MTMR3: variants seen among roughly 807,000 people sequenced by gnomAD.
MTMR3 encodes myotubularin related protein 3.
MTMR3 carries 32 observed loss-of-function variants against 132.4 expected under a neutral mutation model. That is an observed-to-expected ratio of 0.24 (90% CI 0.18 to 0.32). MTMR3 has a LOEUF of 0.32. Among genes scored for constraint, MTMR3 ranks in the 10% least tolerant of loss-of-function variants. MTMR3 has a pLI of 1.00. For missense variants in MTMR3, 1,216 were observed against 1,489.6 expected (o/e 0.82, Z 3.02); for synonymous variants, 556 against 550.3 (o/e 1.01, Z -0.14).
chr22:29,970,864 GTATA>G (rs2066519298), intron 2 of MTMR3, 108 bp from the exon 3 acceptor site: 2 of 532,034 alleles, frequency 3.8e-6, no homozygotes, highest in African/African-American at 3.9e-5. Flanking sequence ...TTAGGCCTGT[GTATA>G]TACAATACCT....
intron 19 of MTMR3, chr22:30,024,460 C>G (rs1181208737): frequency 6.6e-6 from 1 of 152,210 alleles, no homozygotes; most frequent in Non-Finnish European, 1.5e-5. Flanking sequence ...CGAAGTACAG[C>G]ATTCTAGAAG....
intron 1 of MTMR3, among the ~76,000 whole-genome samples, chr22:29,931,750 C>T (rs936428919): frequency 6.7e-6 from 1 of 150,066 alleles, no homozygotes; most frequent in Non-Finnish European, 1.5e-5. Flanking sequence ...TTTCTATTTC[C>T]GTAGTCCTCC....
At chr22:29,977,678 A>G (rs2066656370) in intron 3 of MTMR3, among the ~76,000 whole-genome samples, 1 of 152,216 alleles carries the variant, frequency 6.6e-6, no homozygotes, top group Non-Finnish European at 1.5e-5. Context: ...TGAATTACTA[A>G]TTCATAGATA....
chr22:30,007,769 C>A, intron 10 of MTMR3, 132 bp from the exon 11 acceptor site: 2 of 1,058,078 alleles, frequency 1.9e-6, no homozygotes, highest in Non-Finnish European at 2.7e-6. Context: ...TCCTATGTAT[C>A]AAGGGTTTTG....
At chr22:29,906,982 G>A (rs1174418759) in intron 1 of MTMR3, among the ~76,000 whole-genome samples, 2 of 152,088 alleles carry the variant, frequency 1.3e-5, no homozygotes, top group African/African-American at 4.8e-5. Flanking sequence ...GGAGGCCGAG[G>A]CAGGAGAATT....
chr22:29,901,537 C>A (rs1273325567), intron 1 of MTMR3, among the ~76,000 whole-genome samples: 1 of 152,102 alleles, frequency 6.6e-6, no homozygotes, highest in Non-Finnish European at 1.5e-5. Flanking sequence ...TTTGCAAGCA[C>A]CATGATCAAG....
intron 5 of MTMR3, chr22:29,979,790 G>A (rs775258318): frequency 1.3e-5 from 2 of 152,292 alleles, no homozygotes; most frequent in African/African-American, 2.4e-5. Context: ...ACAGCATGAG[G>A]TTACTCTAAT....
intron 1 of MTMR3, among the ~76,000 whole-genome samples, chr22:29,894,529 T>TGTGTGTGC (rs1213299362): frequency 3.9e-5 from 6 of 152,104 alleles, no homozygotes; most frequent in Admixed American, 3.9e-4. Context: ...TGTGTGTGTG[T>TGTGTGTGC]GTGTGTGTTG....
At chr22:29,980,287 G>A (rs2066715083) in intron 5 of MTMR3, 1 of 152,056 alleles carries the variant, frequency 6.6e-6, no homozygotes, top group African/African-American at 2.4e-5. Flanking sequence ...TTTATGTCCA[G>A]GAGCAGTTTT....
rs1266660197 is a variant in MTMR3, at chr22:30,018,168, T to C, written c.1820+96T>C. On this transcript the variant is annotated intron_variant, in intron 16 of 19. Transcript: ENST00000401950. ...GATGGTCAGAGATCATGATGGTATC[T>C]GGCTCCACAGTATCTTTCTTAGGTC... The C allele has an allele frequency of 5.3e-6, 7 of 1,321,244 alleles. No homozygotes were observed. The Admixed American group carries it at 1.9e-4, about 37-fold the overall frequency. 81.8% of individuals were successfully genotyped at this position (1,321,244 alleles called of 1,614,324 possible). A position where few individuals can be genotyped will look rare whatever the true frequency, so the allele number is the denominator to read the frequency against.
chr22:29,894,450 T>C (rs1021252734), intron 1 of MTMR3, among the ~76,000 whole-genome samples: 2 of 151,918 alleles, frequency 1.3e-5, no homozygotes, highest in African/African-American at 4.8e-5. Flanking sequence ...AAAAATCAGT[T>C]TCTATGCACT....
chr22:29,991,847 C>T (rs1205225230), intron 7 of MTMR3, 177 bp downstream of exon 7: 5 of 582,296 alleles, frequency 8.6e-6, no homozygotes, highest in African/African-American at 5.8e-5. Flanking sequence ...TTCTGCCTTC[C>T]GGGGAAGGGA....
chr22:29,995,325 C>T (rs754192780), intron 7 of MTMR3: 8 of 152,200 alleles, frequency 5.3e-5, no homozygotes, highest in Non-Finnish European at 1.2e-4. Context: ...TAGTTCTTAC[C>T]TTCTCTGACT....
chr22:29,955,715 G>A (rs2066175426), intron 1 of MTMR3, among the ~76,000 whole-genome samples: 1 of 152,034 alleles, frequency 6.6e-6, no homozygotes, highest in South Asian at 2.1e-4. Flanking sequence ...TTCCTTTATG[G>A]TTCTTAGTTA....
rs772189807 is a variant in MTMR3, at chr22:30,020,393, C to G, written c.2734C>G (p.Arg912Gly). 1.9e-6 allele frequency: 3 copies of G among 1,614,080 alleles called. No homozygotes were observed. The African/African-American group carries it at 4.0e-5, about 22-fold the overall frequency. ...TSLGSTLSLT[R>G]SPCALPLAEC... Reference sequence around the variant, plus strand: ...CCTTGGCAGCACTCTCAGCCTGACACGTTCCCCTTGTGCCTTGCCTTTAGC... The same window carrying G: ...CCTTGGCAGCACTCTCAGCCTGACAGGTTCCCCTTGTGCCTTGCCTTTAGC... Residue 912 changes from arginine (R) to glycine (G), a missense_variant, in exon 17 of 20, where the codon CGT (arginine) becomes GGT (glycine). Arg to Gly is a moderately radical substitution (Grantham distance 125). This residue lies in a region of MTMR3 where 852 missense variants were observed against 852.0 expected (regional missense o/e 1.00). Coordinates refer to ENST00000401950, the MANE Select transcript of MTMR3 (RefSeq NM_021090.4).
At chr22:30,010,791 A>G (rs1444290933) in intron 12 of MTMR3, 4 of 152,220 alleles carry the variant, frequency 2.6e-5, no homozygotes, top group African/African-American at 9.7e-5. Flanking sequence ...TTTCAAGAAT[A>G]TGTGAGGAAT....
chr22:29,934,092 C>T (rs1000561342), intron 1 of MTMR3, among the ~76,000 whole-genome samples: 1 of 152,182 alleles, frequency 6.6e-6, no homozygotes, highest in African/African-American at 2.4e-5. Context: ...CGGTGGCTCA[C>T]GCCTGTAATT....
chr22:29,884,251 A>G (rs965397438), intron 1 of MTMR3, among the ~76,000 whole-genome samples: 10 of 147,780 alleles, frequency 6.8e-5, no homozygotes, highest in African/African-American at 2.4e-4. Context: ...ATTTTTCCAC[A>G]ACCCAAACAA....
rs938835954 is a variant in MTMR3, at chr22:30,028,309, A to G, written c.*2508A>G. 3 of 152,320 alleles carry G rather than the reference A, an allele frequency of 2.0e-5. No homozygotes were observed. Among genetic ancestry groups the G allele is most frequent in the Admixed American group, 6.6e-5 (1 of 15,264 alleles). 9.4% of individuals were successfully genotyped at this position (152,320 alleles called of 1,614,324 possible). On this transcript the variant is annotated 3_prime_UTR_variant, in exon 20 of 20. Transcript: ENST00000401950. ...GCCTGTTGTTCTTGAAGGATAGACT[A>G]TGGGTGGGCAGAGAGAACTGGGGGC...
Sources: gnomAD v4.1 joint callset for allele counts (sites outside exome capture counted in the v4.1 genomes callset) on GRCh38, gnomAD v4.1.1 for gene constraint, gnomAD v4.1.1 regional missense constraint, MANE v1.5 for transcripts, NCBI Gene and HGNC (gene_info 2026-07-23, HGNC 2026-07-21) for gene names.